The following SAMD5 variants were observed in gnomAD, a reference collection of about 807,000 sequenced individuals.
SAMD5 encodes sterile alpha motif domain-containing protein 5.
In SAMD5, 13 loss-of-function variants were observed where a neutral mutation model predicts 11.3. The observed-to-expected ratio is 1.15, with a 90% CI of 0.75 to 1.83. The LOEUF (loss-of-function observed/expected upper bound fraction) is 1.83, where lower values mean the gene tolerates loss of function less well. Among genes scored for constraint, SAMD5 ranks in the 40% most tolerant of loss-of-function variants. The pLI is 0.00. For synonymous variants in SAMD5, 129 were observed against 111.3 expected, an observed-to-expected ratio of 1.16 and a Z score of -1.00; for missense variants, 255 against 239.1, an observed-to-expected ratio of 1.07 and a Z score of -0.44.
chr6:147,904,665 T>G, the SAMD5 span, among the ~76,000 whole-genome samples: 3 of 152,314 alleles, frequency 2.0e-5, no homozygotes, highest in African/African-American at 7.2e-5. Flanking sequence ...CTTCCATTTC[T>G]CAAATTGCAG....
Position 147,508,942 on chromosome 6 carries a change from T to C in SAMD5, c.14T>C (p.Ile5Thr), listed in dbSNP as rs1788035623. The C allele has an allele frequency of 6.3e-7, 1 of 1,594,418 alleles. No individual in the cohort carries two copies. Among genetic ancestry groups the C allele is most frequent in the Non-Finnish European group, 8.5e-7 (1 of 1,171,134 alleles). Residue 5 changes from isoleucine (I) to threonine (T), a missense_variant, in exon 1 of 2, where the codon ATA becomes ACA. By Grantham distance (89) the Ile-to-Thr change is moderately conservative (BLOSUM62 -1). Transcript: ENST00000367474. ...CCCGGTCCCACCATGTGCACCAACA[T>C]AGTTTACGAGTGGCTCAAAGCGCTG... MCTNIVYEWLKALQL... is the reference protein window; with the variant it reads MCTNTVYEWLKALQL...
At chr6:147,620,281 A>G (rs1789939812) in intron 1 of SAMD5, among the ~76,000 whole-genome samples, 1 of 152,078 alleles carries the variant, frequency 6.6e-6, no homozygotes, top group South Asian at 2.1e-4. Flanking sequence ...CTCCCCATCC[A>G]TGGGATGATT....
chr6:147,599,528 A>T (rs1298143935), intron 1 of SAMD5, among the ~76,000 whole-genome samples: 1 of 152,198 alleles, frequency 6.6e-6, no homozygotes, highest in East Asian at 1.9e-4. Context: ...CTTTTTTTCC[A>T]GATAAAATCT....
chr6:147,725,333 T>C (rs1366631144), intron 1 of SAMD5, among the ~76,000 whole-genome samples: 1 of 150,878 alleles, frequency 6.6e-6, no homozygotes, highest in South Asian at 2.1e-4. Flanking sequence ...AGTGAATTCA[T>C]CCACAAATCT....
chr6:147,802,429 G>A, the SAMD5 span, among the ~76,000 whole-genome samples: 1 of 151,736 alleles, frequency 6.6e-6, no homozygotes, highest in African/African-American at 2.4e-5. Flanking sequence ...CAAGGATGTG[G>A]AACAACTCGA....
chr6:147,735,667 TA>T (rs886673975), intron 1 of SAMD5, among the ~76,000 whole-genome samples: 3 of 150,630 alleles, frequency 2.0e-5, no homozygotes, highest in African/African-American at 7.4e-5. Flanking sequence ...TTTTTTTTTT[TA>T]CATCAGTCTA....
chr6:147,937,620 G>A, the SAMD5 span, among the ~76,000 whole-genome samples: 9 of 152,158 alleles, frequency 5.9e-5, no homozygotes, highest in Non-Finnish European at 1.0e-4. Flanking sequence ...AAAGAATTAC[G>A]TTTCAGGGGA....
rs569487375 is a variant in SAMD5 at position 147,697,758 on chromosome 6, A to G, written c.163-39559A>G. On this transcript the variant is annotated intron_variant, in intron 1 of 1. Coordinates refer to the SAMD5 transcript ENST00000566741. Reference sequence around the variant, plus strand: ...AGCATCTCATTGTCTGGATGTGGGGATATGGTGAGTTTCAGTTCTTCTATA... The same window carrying G: ...AGCATCTCATTGTCTGGATGTGGGGGTATGGTGAGTTTCAGTTCTTCTATA... Among the ~76,000 whole-genome samples, 5 of 152,244 alleles carry G rather than the reference A, an allele frequency of 3.3e-5. No individual in the cohort carries two copies. In the South Asian group the frequency reaches 1.0e-3, roughly 32 times the overall value.
the SAMD5 span, among the ~76,000 whole-genome samples, chr6:147,822,581 G>A: frequency 3.3e-5 from 5 of 152,054 alleles, no homozygotes; most frequent in Non-Finnish European, 7.4e-5. Context: ...ATGCCACCTC[G>A]GGAGTTTTCT....
intron 1 of SAMD5, among the ~76,000 whole-genome samples, chr6:147,659,880 C>T (rs1276086126): frequency 6.6e-6 from 1 of 152,090 alleles, no homozygotes; most frequent in Non-Finnish European, 1.5e-5. Context: ...TGTAGGTCAC[C>T]GCCCTGTTGT....
chr6:147,827,164 G>A, the SAMD5 span, among the ~76,000 whole-genome samples: 1 of 152,156 alleles, frequency 6.6e-6, no homozygotes, highest in Non-Finnish European at 1.5e-5. Context: ...AGTGCAAATA[G>A]AGATTACTTT....
chr6:147,777,839 G>C, the SAMD5 span, among the ~76,000 whole-genome samples: 6 of 152,142 alleles, frequency 3.9e-5, no homozygotes, highest in Admixed American at 2.6e-4. Flanking sequence ...GCATGCACCA[G>C]AACTTCATTT....
the SAMD5 span, among the ~76,000 whole-genome samples, chr6:147,938,802 ACT>A: frequency 6.6e-6 from 1 of 152,112 alleles, no homozygotes; most frequent in East Asian, 1.9e-4. Context: ...CTTGGTATGT[ACT>A]GTTTTTACTC....
At position 147,568,253 on chromosome 6, in the gene SAMD5, G is replaced by A. The variant is rs1789075953; in HGVS notation, c.*3797G>A. On this transcript the variant is annotated 3_prime_UTR_variant, in exon 2 of 2. Transcript: ENST00000367474. ...GAAAAACCAGATATACCAGGGACTGGAAAGCACCTGCTTGAAAATTGATAT... is the reference window on the plus strand; with the variant it reads ...GAAAAACCAGATATACCAGGGACTGAAAAGCACCTGCTTGAAAATTGATAT... 1 of 985,222 alleles carries A rather than the reference G, an allele frequency of 1.0e-6. No individual in the cohort carries two copies. Among genetic ancestry groups the A allele is most frequent in the Non-Finnish European group, 1.2e-6 (1 of 829,916 alleles). 61.0% of individuals were successfully genotyped at this position (985,222 alleles called of 1,614,324 possible). A position where few individuals can be genotyped will look rare whatever the true frequency, so the allele number is the denominator to read the frequency against.
At chr6:147,904,911 G>A in the SAMD5 span, among the ~76,000 whole-genome samples, 7 of 149,650 alleles carry the variant, frequency 4.7e-5, no homozygotes, top group East Asian at 1.9e-4. Flanking sequence ...TTTTTGAGGC[G>A]GAGTTTTGCT....
At chr6:147,870,327 A>G in the SAMD5 span, among the ~76,000 whole-genome samples, 18 of 152,060 alleles carry the variant, frequency 1.2e-4, no homozygotes, top group African/African-American at 4.1e-4. Flanking sequence ...TAGTATTCTC[A>G]GAGGCCTTCC....
chr6:147,817,405 G>A, the SAMD5 span, among the ~76,000 whole-genome samples: 23 of 152,304 alleles, frequency 1.5e-4, no homozygotes, highest in Middle Eastern at 6.8e-3. Context: ...AGCAAGTGCC[G>A]ATTGATTGAT....
At chr6:147,668,941 G>A (rs1790758718) in intron 1 of SAMD5, among the ~76,000 whole-genome samples, 1 of 152,118 alleles carries the variant, frequency 6.6e-6, no homozygotes, top group African/African-American at 2.4e-5. Flanking sequence ...AATACTTTTT[G>A]TCAAAAAATG....
chr6:147,864,440 C>T, the SAMD5 span, among the ~76,000 whole-genome samples: 1 of 152,172 alleles, frequency 6.6e-6, no homozygotes, highest in South Asian at 2.1e-4. Flanking sequence ...TCTTGTGCTA[C>T]GTCTCTGAGC....
Sources: gnomAD v4.1 joint callset for allele counts (sites outside exome capture counted in the v4.1 genomes callset) on GRCh38, gnomAD v4.1.1 for gene constraint, MANE v1.5 for transcripts, NCBI Gene and HGNC (gene_info 2026-07-23, HGNC 2026-07-21) for gene names.